The following AGBL1 variants were observed in gnomAD, a reference collection of about 807,000 sequenced individuals.
AGBL1 encodes the protein AGBL carboxypeptidase 1.
A neutral mutation model predicts 118.9 loss-of-function variants in AGBL1; 130 were observed. That is an observed-to-expected ratio of 1.09 (90% CI 0.95 to 1.26). AGBL1 has a LOEUF of 1.26. Ranked by LOEUF, AGBL1 falls within the 50% of genes most tolerant of loss-of-function variation. AGBL1 has a pLI of 0.00. For synonymous variants in AGBL1, 555 were observed against 478.9 expected, an observed-to-expected ratio of 1.16 and a Z score of -2.08; for missense variants, 1,584 against 1,298.1, an observed-to-expected ratio of 1.22 and a Z score of -3.38.
chr15:86,379,744 C>A (rs890526233), intron 17 of AGBL1, among the ~76,000 whole-genome samples: 1 of 152,158 alleles, frequency 6.6e-6, no homozygotes, highest in Non-Finnish European at 1.5e-5. Context: ...CCAAGTCCAG[C>A]CTGCTCACTG....
chr15:86,581,768 C>CAA (rs1250929761), intron 21 of AGBL1, among the ~76,000 whole-genome samples: 1 of 151,908 alleles, frequency 6.6e-6, no homozygotes, highest in Non-Finnish European at 1.5e-5. Flanking sequence ...AACATAGGTA[C>CAA]AAAAATGAGA....
intron 18 of AGBL1, among the ~76,000 whole-genome samples, chr15:86,398,494 T>A (rs148149657): frequency 0.03 from 4,545 of 152,202 alleles, 101 homozygotes; most frequent in Middle Eastern, 0.071. Flanking sequence ...GGAAAATGTA[T>A]TTTTAATAAA....
At chr15:86,635,346 C>T (rs1265010073) in intron 21 of AGBL1, among the ~76,000 whole-genome samples, 1 of 123,340 alleles carries the variant, frequency 8.1e-6, no homozygotes, top group African/African-American at 3.2e-5. Context: ...TCCTACTCCT[C>T]TTACTCCTCC....
intron 23 of AGBL1, among the ~76,000 whole-genome samples, chr15:86,931,806 C>T (rs1487707820): frequency 6.6e-6 from 1 of 152,096 alleles, no homozygotes; most frequent in Non-Finnish European, 1.5e-5. Flanking sequence ...ACCCTGAAGG[C>T]ATCATGGTTG....
At position 86,224,967 on chromosome 15, in the gene AGBL1, G is replaced by T. The variant is rs781647816; in HGVS notation, c.526+16G>T. 6.2e-7 allele frequency: 1 copy of T among 1,612,244 alleles called. No individual in the cohort carries two copies. Among genetic ancestry groups the T allele is most frequent in the South Asian group, 1.1e-5 (1 of 90,984 alleles). ...CTGAAATCCAGTAAGCACCTCTTTTGAAGGGTGGCTATTTCTCTCCACTCT... is the reference window on the plus strand; with the variant it reads ...CTGAAATCCAGTAAGCACCTCTTTTTAAGGGTGGCTATTTCTCTCCACTCT... On this transcript the variant is annotated intron_variant, in intron 6 of 22. Transcript: ENST00000614907.
At chr15:86,791,729 TA>T (rs1177200563) in intron 22 of AGBL1, among the ~76,000 whole-genome samples, 7 of 20,464 alleles carry the variant, frequency 3.4e-4, no homozygotes, top group Admixed American at 1.2e-3. Context: ...CCTTGTTTTT[TA>T]TATATATATA....
chr15:86,166,875 A>C (rs753082978), intron 5 of AGBL1, among the ~76,000 whole-genome samples: 2 of 152,128 alleles, frequency 1.3e-5, no homozygotes, highest in African/African-American at 2.4e-5. Context: ...GAGGCCTTAC[A>C]TGCACCACTT....
At chr15:86,522,264 G>C (rs73457666) in intron 18 of AGBL1, among the ~76,000 whole-genome samples, 2,971 of 152,252 alleles carry the variant, frequency 0.02, 93 homozygotes, top group African/African-American at 0.067. Flanking sequence ...ATAGAAGAGA[G>C]AGAACAGGGT....
At chr15:86,567,548 T>G (rs2083933566) in intron 21 of AGBL1, among the ~76,000 whole-genome samples, 1 of 152,198 alleles carries the variant, frequency 6.6e-6, no homozygotes, top group African/African-American at 2.4e-5. Context: ...GATTGCTGAA[T>G]TTAAAAGGCT....
chr15:86,248,302 G>A (rs1669332231), intron 7 of AGBL1, among the ~76,000 whole-genome samples: 1 of 152,198 alleles, frequency 6.6e-6, no homozygotes, highest in Non-Finnish European at 1.5e-5. Context: ...AGGTGACAGA[G>A]TGAGACCCTG....
At chr15:86,639,930 G>A (rs1408197969) in intron 21 of AGBL1, among the ~76,000 whole-genome samples, 2 of 152,108 alleles carry the variant, frequency 1.3e-5, no homozygotes, top group African/African-American at 2.4e-5. Flanking sequence ...CTGCTTTCTT[G>A]TATTTCCCAA....
intron 22 of AGBL1, among the ~76,000 whole-genome samples, chr15:86,835,437 C>T (rs1172558669): frequency 6.6e-6 from 1 of 152,088 alleles, no homozygotes; most frequent in African/African-American, 2.4e-5. Flanking sequence ...TTGATAATTA[C>T]TCAGTGAGAG....
intron 18 of AGBL1, among the ~76,000 whole-genome samples, chr15:86,422,941 C>T (rs960916062): frequency 6.6e-6 from 1 of 152,084 alleles, no homozygotes; most frequent in Non-Finnish European, 1.5e-5. Flanking sequence ...TGAGGCAGTA[C>T]TTGATAGCTT....
At chr15:86,976,302 T>C (rs2141713770) in intron 23 of AGBL1, among the ~76,000 whole-genome samples, 1 of 151,522 alleles carries the variant, frequency 6.6e-6, no homozygotes, top group South Asian at 2.1e-4. Context: ...TGGTAGGGCA[T>C]ATATTGTTCA....
At chr15:86,807,395 G>C (rs1246282244) in intron 22 of AGBL1, among the ~76,000 whole-genome samples, 3 of 152,144 alleles carry the variant, frequency 2.0e-5, no homozygotes, top group Non-Finnish European at 1.5e-5. Flanking sequence ...ACCAAATGTG[G>C]AACATAGTAG....
rs1277386833 is a variant in AGBL1, at chr15:86,572,059, G to A, written c.2994+17522G>A. On this transcript the variant is annotated intron_variant, in intron 21 of 22. Transcript: ENST00000614907. Reference sequence around the variant, plus strand: ...CTGGCATGTCAGCTCTACCCCGACTGTGTGCATATCTGGCCAGGCTGTGAC... The same window carrying A: ...CTGGCATGTCAGCTCTACCCCGACTATGTGCATATCTGGCCAGGCTGTGAC... Among the ~76,000 whole-genome samples, 3 of 152,212 alleles carry A rather than the reference G, an allele frequency of 2.0e-5. 1 individual carries two copies. Among genetic ancestry groups the A allele is most frequent in the South Asian group, 4.1e-4 (2 of 4,838 alleles).
intron 22 of AGBL1, among the ~76,000 whole-genome samples, chr15:86,707,032 A>G (rs1050277004): frequency 2.0e-5 from 3 of 152,188 alleles, no homozygotes; most frequent in African/African-American, 7.2e-5. Context: ...AACATGAATC[A>G]TATAATGTGA....
At chr15:86,802,432 C>A (rs919811065) in intron 22 of AGBL1, among the ~76,000 whole-genome samples, 1 of 152,074 alleles carries the variant, frequency 6.6e-6, no homozygotes, top group Non-Finnish European at 1.5e-5. Flanking sequence ...TTCCAGTGGA[C>A]AAATGTTCAA....
intron 1 of AGBL1, among the ~76,000 whole-genome samples, chr15:86,110,785 A>G (rs1377890965): frequency 2.0e-5 from 3 of 152,184 alleles, no homozygotes; most frequent in Non-Finnish European, 2.9e-5. Flanking sequence ...TGATTCGGTG[A>G]ACAGTTTCTG....
Sources: allele counts gnomAD v4.1 joint callset (sites outside exome capture counted in the v4.1 genomes callset), GRCh38; gene constraint gnomAD v4.1.1; transcripts MANE v1.5; gene names NCBI Gene and HGNC (gene_info 2026-07-23, HGNC 2026-07-21).